Variants in ABCC6 observed in about 807,000 individuals in gnomAD.
The protein encoded by ABCC6 is ATP binding cassette subfamily C member 6.
In ABCC6, 126 loss-of-function variants were observed where a neutral mutation model predicts 169.5. The ratio of observed to expected loss-of-function variants is 0.74; its 90% CI spans 0.64 to 0.86. ABCC6 has a LOEUF of 0.86. Ranked by LOEUF, ABCC6 falls within the 40% of genes least tolerant of loss-of-function variation. ABCC6 has a pLI of 0.00. For synonymous variants in ABCC6, 752 were observed against 814.7 expected (o/e 0.92, Z 1.31); for missense variants, 1,733 against 1,927.2 (o/e 0.90, Z 1.89).
intron 9 of ABCC6, among the ~76,000 whole-genome samples, chr16:16,201,698 C>T (rs1411910657): frequency 1.3e-5 from 2 of 152,140 alleles, no homozygotes; most frequent in African/African-American, 4.8e-5. Flanking sequence ...CGTGGTGACA[C>T]GTGTCTATAG....
At chr16:16,203,904 C>A (rs2048319398) in intron 7 of ABCC6, among the ~76,000 whole-genome samples, 1 of 152,064 alleles carries the variant, frequency 6.6e-6, no homozygotes, top group African/African-American at 2.4e-5. Context: ...TCCTAAGACC[C>A]CCTGAGAAGC....
intron 9 of ABCC6, among the ~76,000 whole-genome samples, chr16:16,199,622 A>C (rs2048170109): frequency 7.9e-6 from 1 of 127,042 alleles, no homozygotes; most frequent in South Asian, 2.4e-4. Flanking sequence ...ATGACTGGAC[A>C]TAGAAATTCT....
chr16:16,165,573 G>T (rs1186707702), intron 23 of ABCC6, 50 bp downstream of exon 23: 12 of 1,601,094 alleles, frequency 7.5e-6, no homozygotes, highest in Non-Finnish European at 1.0e-5. Context: ...ACAGGGGACT[G>T]GCTGAGTTGA....
chr16:16,202,723 G>C (rs1226107872), intron 8 of ABCC6, among the ~76,000 whole-genome samples: 1 of 152,134 alleles, frequency 6.6e-6, no homozygotes, highest in Non-Finnish European at 1.5e-5. Context: ...TACTAATCTC[G>C]AACTTCCAGC....
At chr16:16,165,422 A>C (rs1420985614) in intron 23 of ABCC6, among the ~76,000 whole-genome samples, 3 of 152,152 alleles carry the variant, frequency 2.0e-5, no homozygotes, top group Admixed American at 2.0e-4. Context: ...CTCTAAAAAA[A>C]AGAACTTTGA....
intron 12 of ABCC6, among the ~76,000 whole-genome samples, 199 bp downstream of exon 12, chr16:16,189,965 C>T (rs941930288): frequency 6.6e-6 from 1 of 152,084 alleles, no homozygotes; most frequent in Non-Finnish European, 1.5e-5. Flanking sequence ...CTTTATCAGC[C>T]ACTGCCACCT....
rs368746151 is a variant in ABCC6 at position 16,190,364 on chromosome 16, C to T, written c.1435G>A (p.Glu479Lys). 7.4e-6 allele frequency: 12 copies of T among 1,613,980 alleles called. No homozygotes were observed. The highest frequency in any genetic ancestry group is 9.3e-6 in the Non-Finnish European group (11 of 1,180,030). The change falls in exon 12 of 31, where the codon GAG becomes AAG. Residue 479 changes from glutamate to lysine, a missense_variant. Physicochemically the swap from Glu to Lys is moderately conservative, Grantham distance 56. Around this residue, in one of 5 missense-constraint regions of ABCC6, gnomAD observed 1,601 missense variants for 1,635.5 expected, o/e 0.98. Coordinates refer to ENST00000205557, the MANE Select transcript of ABCC6 (RefSeq NM_001171.6). ...ISKKRNHHQE[E>K]QMRQKDSRAR... is the part of the protein sequence containing the mutation. ...CGTGAGTCCTTCTGCCTCATTTGCT[C>T]CTCCTGGGATCGGAGGGAAAAAGAG...
chr16:16,212,298 A>C (rs1212664910), intron 5 of ABCC6, 52 bp from the exon 6 acceptor site: 1 of 785,438 alleles, frequency 1.3e-6, no homozygotes, highest in African/African-American at 1.8e-5. Flanking sequence ...GTAGGAAGAC[A>C]GGACGAACTG....
At chr16:16,183,469 G>A (rs894674479) in intron 15 of ABCC6, among the ~76,000 whole-genome samples, 1 of 151,988 alleles carries the variant, frequency 6.6e-6, no homozygotes, top group African/African-American at 2.4e-5. Context: ...TAAAACCCAA[G>A]TCAGATCGTG....
intron 25 of ABCC6, 75 bp downstream of exon 25, chr16:16,161,363 G>T: frequency 1.2e-6 from 2 of 1,606,200 alleles, no homozygotes; most frequent in Non-Finnish European, 8.5e-7. Context: ...GGTCTTCAAA[G>T]GTCCCACTAG....
chr16:16,192,316 G>C (rs2152272227), intron 11 of ABCC6, among the ~76,000 whole-genome samples: 1 of 152,310 alleles, frequency 6.6e-6, no homozygotes, highest in South Asian at 2.1e-4. Flanking sequence ...GGCGGGCCTG[G>C]TGGGCCACTG....
At chr16:16,222,390 T>G (rs960132356) in intron 1 of ABCC6, among the ~76,000 whole-genome samples, 11 of 152,046 alleles carry the variant, frequency 7.2e-5, no homozygotes, top group African/African-American at 2.7e-4. Flanking sequence ...ATTAATTAAT[T>G]TATGTTTTAG....
chr16:16,217,599 G>A (rs1038179572), intron 4 of ABCC6, among the ~76,000 whole-genome samples: 10 of 152,208 alleles, frequency 6.6e-5, no homozygotes, highest in African/African-American at 2.4e-4. Flanking sequence ...TGAGAATCCA[G>A]TGAGGAGACG....
chr16:16,188,636 C>G (rs2047734078), intron 13 of ABCC6, among the ~76,000 whole-genome samples, 195 bp downstream of exon 13: 1 of 152,166 alleles, frequency 6.6e-6, no homozygotes, highest in Non-Finnish European at 1.5e-5. Flanking sequence ...AGGCTGACCC[C>G]TTCCAGATGT....
intron 22 of ABCC6, among the ~76,000 whole-genome samples, chr16:16,167,581 T>C (rs1249504228): frequency 1.3e-5 from 2 of 152,216 alleles, no homozygotes; most frequent in Non-Finnish European, 2.9e-5. Context: ...GCGATTCTCC[T>C]TCCTCAGCCT....
chr16:16,174,902 A>G (rs2047228326), intron 20 of ABCC6, among the ~76,000 whole-genome samples: 4 of 151,138 alleles, frequency 2.6e-5, no homozygotes, highest in South Asian at 2.1e-4. Context: ...CTGGGACTAC[A>G]GGCACATGCC....
intron 18 of ABCC6, among the ~76,000 whole-genome samples, chr16:16,178,424 G>A (rs2047358228): frequency 6.6e-6 from 1 of 152,060 alleles, no homozygotes; most frequent in South Asian, 2.1e-4. Context: ...CTCAGAGTGG[G>A]GACAGCTCCC....
Position 16,178,808 on chromosome 16 carries a change from A to C in ABCC6, c.2405T>G (p.Leu802Arg). 1 of 1,613,886 alleles carries C rather than the reference A, an allele frequency of 6.2e-7. No individual in the cohort carries two copies. Among genetic ancestry groups the C allele is most frequent in the Non-Finnish European group, 8.5e-7 (1 of 1,180,020 alleles). The change falls in exon 18 of 31, where the codon CTC becomes CGC. Residue 802 changes from leucine to arginine, a missense_variant. Physicochemically the swap from Leu to Arg is moderately radical, Grantham distance 102. This residue lies in a region of ABCC6 where 1,601 missense variants were observed against 1,635.5 expected (regional missense o/e 0.98). Coordinates refer to ENST00000205557, the MANE Select transcript of ABCC6 (RefSeq NM_001171.6). The stretch of plus-strand genomic sequence containing the variant: ...TGTTCCCAAACTTACTGTTCCCTGG[A>C]GTAGTCCACCAGGCCCAATGACCTG... ...FNQVIGPGGL[L>R]QGTTRILVTH...
intron 7 of ABCC6, among the ~76,000 whole-genome samples, chr16:16,204,121 A>G (rs528604826): frequency 4.7e-5 from 7 of 149,316 alleles, no homozygotes; most frequent in African/African-American, 1.7e-4. Context: ...CAGTGGTGTG[A>G]TCTCAGCTCA....
Sources: allele counts gnomAD v4.1 joint callset (sites outside exome capture counted in the v4.1 genomes callset), GRCh38; gene constraint gnomAD v4.1.1; regional missense constraint gnomAD v4.1.1; transcripts MANE v1.5; gene names NCBI Gene and HGNC (gene_info 2026-07-23, HGNC 2026-07-21).